Variants in TNIP3 observed in about 807,000 individuals in gnomAD.
The protein encoded by TNIP3 is TNFAIP3-interacting protein 3.
In TNIP3, 34 loss-of-function variants were observed where a neutral mutation model predicts 54.1. The ratio of observed to expected loss-of-function variants is 0.63; its 90% CI spans 0.48 to 0.84. The LOEUF is 0.84. Ranked by LOEUF, TNIP3 falls within the 40% of genes least tolerant of loss-of-function variation. TNIP3 has a pLI of 0.00. For missense variants in TNIP3, 366 were observed against 387.6 expected, an observed-to-expected ratio of 0.94 and a Z score of 0.47; for synonymous variants, 134 against 136.8, an observed-to-expected ratio of 0.98 and a Z score of 0.14.
At chr4:121,183,046 T>G (rs1724805072) in intron 2 of TNIP3, among the ~76,000 whole-genome samples, 2 of 152,332 alleles carry the variant, frequency 1.3e-5, no homozygotes, top group Middle Eastern at 6.8e-3. Context: ...CTGAGAACAA[T>G]GGCAAGAATT....
chr4:121,189,843 C>A (rs914237897), intron 2 of TNIP3, among the ~76,000 whole-genome samples: 3 of 152,198 alleles, frequency 2.0e-5, no homozygotes, highest in African/African-American at 7.2e-5. Flanking sequence ...TGCCCTCAAT[C>A]TGCATTCTTG....
intron 1 of TNIP3, among the ~76,000 whole-genome samples, chr4:121,162,736 C>A (rs1730528144): frequency 6.6e-6 from 1 of 152,202 alleles, no homozygotes; most frequent in South Asian, 2.1e-4. Context: ...GCATCCTGAA[C>A]AATGGATCAG....
At chr4:121,146,032 A>G (rs1190563593) in intron 7 of TNIP3, among the ~76,000 whole-genome samples, 1 of 151,378 alleles carries the variant, frequency 6.6e-6, no homozygotes, top group Non-Finnish European at 1.5e-5. Context: ...TTTTTTTACC[A>G]AGAGTAATCA....
upstream of TNIP3, among the ~76,000 whole-genome samples, chr4:121,217,897 C>T (rs994179097): frequency 3.3e-5 from 5 of 152,258 alleles, no homozygotes; most frequent in African/African-American, 1.2e-4. Flanking sequence ...ATGATAGAAT[C>T]TGACACTGTG....
intron 2 of TNIP3, among the ~76,000 whole-genome samples, chr4:121,201,813 T>C (rs1461124011): frequency 6.6e-6 from 1 of 152,244 alleles, no homozygotes; most frequent in Non-Finnish European, 1.5e-5. Flanking sequence ...TCCTCATATG[T>C]AAATTAAGGA....
intron 1 of TNIP3, among the ~76,000 whole-genome samples, chr4:121,223,201 G>C (rs1727114879): frequency 6.6e-6 from 1 of 152,214 alleles, no homozygotes; most frequent in African/African-American, 2.4e-5. Flanking sequence ...CCCATCCTTA[G>C]CCTCCTGCTA....
upstream of TNIP3, among the ~76,000 whole-genome samples, chr4:121,219,668 A>G (rs552866464): frequency 6.6e-6 from 1 of 152,322 alleles, no homozygotes; most frequent in South Asian, 2.1e-4. Context: ...GTTTACTCAC[A>G]TAGGTTTTAC....
At chr4:121,186,682 C>T (rs750572025) in intron 2 of TNIP3, among the ~76,000 whole-genome samples, 19 of 151,922 alleles carry the variant, frequency 1.3e-4, no homozygotes, top group Admixed American at 7.2e-4. Flanking sequence ...GCTCAGTGAT[C>T]GATACTATTG....
intron 2 of TNIP3, among the ~76,000 whole-genome samples, chr4:121,206,321 A>G (rs935332078): frequency 6.6e-6 from 1 of 152,192 alleles, no homozygotes; most frequent in African/African-American, 2.4e-5. Flanking sequence ...AACACTTTGC[A>G]TGCGTTATCT....
chr4:121,212,924 C>A (rs973669128), intron 2 of TNIP3, among the ~76,000 whole-genome samples: 5 of 152,118 alleles, frequency 3.3e-5, no homozygotes, highest in African/African-American at 1.2e-4. Context: ...CATAGTACAA[C>A]TAAAACATCT....
chr4:121,154,287 A>G (rs973827590), intron 5 of TNIP3: 2 of 405,644 alleles, frequency 4.9e-6, no homozygotes, highest in African/African-American at 2.1e-5. Context: ...AAACTAAGAA[A>G]TGTTCTTACT....
intron 1 of TNIP3, among the ~76,000 whole-genome samples, chr4:121,226,376 A>G (rs1241360931): frequency 2.0e-5 from 3 of 152,244 alleles, no homozygotes; most frequent in Non-Finnish European, 2.9e-5. Context: ...AAATACACTA[A>G]AAAAGTTGAG....
At chr4:121,225,705 G>A (rs1476809530) in intron 1 of TNIP3, among the ~76,000 whole-genome samples, 2 of 152,206 alleles carry the variant, frequency 1.3e-5, no homozygotes, top group East Asian at 1.9e-4. Context: ...TTTATCCTCA[G>A]CAGGAAGTAT....
chr4:121,206,386 G>C (rs899628107), intron 2 of TNIP3, among the ~76,000 whole-genome samples: 1 of 151,924 alleles, frequency 6.6e-6, no homozygotes, highest in African/African-American at 2.4e-5. Context: ...CCTGATCCTC[G>C]GTTAAGTTAA....
intron 2 of TNIP3, among the ~76,000 whole-genome samples, chr4:121,191,385 A>G (rs1017388747): frequency 6.6e-6 from 1 of 152,216 alleles, no homozygotes; most frequent in African/African-American, 2.4e-5. Context: ...CTGGAAGAGA[A>G]CAAAGTTAAC....
chr4:121,139,968 A>G (rs1264662352), intron 9 of TNIP3, among the ~76,000 whole-genome samples: 1 of 152,250 alleles, frequency 6.6e-6, no homozygotes, highest in African/African-American at 2.4e-5. Flanking sequence ...TTATTTTTAA[A>G]TTAACTTTGA....
intron 3 of TNIP3, among the ~76,000 whole-genome samples, chr4:121,174,624 T>G (rs532265486): frequency 2.6e-5 from 4 of 151,878 alleles, no homozygotes; most frequent in Admixed American, 1.3e-4. Flanking sequence ...TCGGTTTTAA[T>G]GACAAACGTT....
chr4:121,178,719 T>A (rs1724505186), intron 3 of TNIP3, among the ~76,000 whole-genome samples: 1 of 152,214 alleles, frequency 6.6e-6, no homozygotes, highest in Admixed American at 6.5e-5. Flanking sequence ...GAGAACTATT[T>A]GTAGGGGAAT....
chr4:121,172,084 T>C (rs1385107739), intron 3 of TNIP3, among the ~76,000 whole-genome samples: 2 of 152,176 alleles, frequency 1.3e-5, no homozygotes, highest in South Asian at 2.1e-4. Context: ...ATTGCTTACA[T>C]TGAACATCAA....
Sources: gnomAD v4.1 joint callset for allele counts (sites outside exome capture counted in the v4.1 genomes callset) on GRCh38, gnomAD v4.1.1 for gene constraint, MANE v1.5 for transcripts, NCBI Gene and HGNC (gene_info 2026-07-23, HGNC 2026-07-21) for gene names.